Variants in SHQ1 observed in about 807,000 individuals in gnomAD.
SHQ1 encodes SHQ1, H/ACA ribonucleoprotein assembly factor.
In SHQ1, 49 loss-of-function variants were observed where a neutral mutation model predicts 53.8. The observed-to-expected ratio is 0.91, with a 90% CI of 0.72 to 1.16. The LOEUF (loss-of-function observed/expected upper bound fraction) is 1.16, where lower values mean the gene tolerates loss of function less well. SHQ1 is among the 50% of genes most tolerant of loss of function. SHQ1 has a pLI of 0.00. For synonymous variants in SHQ1, 243 were observed against 251.0 expected, an observed-to-expected ratio of 0.97 and a Z score of 0.30; for missense variants, 738 against 683.1, an observed-to-expected ratio of 1.08 and a Z score of -0.90.
At chr3:72,790,705 A>C (rs1472577575) in intron 10 of SHQ1, among the ~76,000 whole-genome samples, 1 of 152,200 alleles carries the variant, frequency 6.6e-6, no homozygotes, top group Non-Finnish European at 1.5e-5. Flanking sequence ...TATAAAAATT[A>C]GATAAACAAA....
intron 4 of SHQ1, among the ~76,000 whole-genome samples, chr3:72,836,429 CAGT>C (rs1001977640): frequency 6.6e-6 from 1 of 151,940 alleles, no homozygotes; most frequent in Non-Finnish European, 1.5e-5. Context: ...GCGGAGCTTG[CAGT>C]GAGCTGAGAT....
chr3:72,762,442 G>A (rs1705631100), intron 10 of SHQ1, among the ~76,000 whole-genome samples: 1 of 152,162 alleles, frequency 6.6e-6, no homozygotes, highest in African/African-American at 2.4e-5. Context: ...GGAAATGTGG[G>A]TCTCATAAAT....
chr3:72,796,261 C>T (rs1405846071), intron 9 of SHQ1, among the ~76,000 whole-genome samples: 1 of 151,960 alleles, frequency 6.6e-6, no homozygotes. Flanking sequence ...GAAGAATGCA[C>T]TTGGACAGAC....
At chr3:72,761,965 G>A (rs1366105292) in intron 10 of SHQ1, among the ~76,000 whole-genome samples, 6 of 152,106 alleles carry the variant, frequency 3.9e-5, no homozygotes, top group Non-Finnish European at 8.8e-5. Flanking sequence ...AATGACTCTC[G>A]CACAGAAGGG....
At chr3:72,735,805 C>T in the SHQ1 span, among the ~76,000 whole-genome samples, 2 of 146,564 alleles carry the variant, frequency 1.4e-5, no homozygotes, top group African/African-American at 2.6e-5. Context: ...AGGCATTTTA[C>T]TGGCTTGCAT....
intron 9 of SHQ1, among the ~76,000 whole-genome samples, chr3:72,799,861 C>A (rs1331074247): frequency 6.6e-6 from 1 of 152,134 alleles, no homozygotes; most frequent in African/African-American, 2.4e-5. Flanking sequence ...CTCAATTCAA[C>A]TCATAATTTA....
intron 10 of SHQ1, among the ~76,000 whole-genome samples, chr3:72,779,141 T>C (rs1257282596): frequency 3.3e-5 from 5 of 152,198 alleles, no homozygotes; most frequent in African/African-American, 1.2e-4. Flanking sequence ...AAAGGCACTA[T>C]ACTGTCTGGG....
Position 72,750,062 on chromosome 3 carries a change from GAAT to G in SHQ1, c.*219_*221del. The G allele has an allele frequency of 3.7e-6, 2 of 538,882 alleles. No individual in the cohort carries two copies. Among genetic ancestry groups the G allele is most frequent in the East Asian group, 3.1e-5 (1 of 32,262 alleles). 33.4% of individuals were successfully genotyped at this position (538,882 alleles called of 1,614,324 possible). A position where few individuals can be genotyped will look rare whatever the true frequency, so the allele number is the denominator to read the frequency against. On this transcript the variant is annotated 3_prime_UTR_variant, in exon 11 of 11. Transcript: ENST00000325599. ...TAGTTGTCATACTGTATTATTTAGA[GAAT>G]AATAACAAGAAAAAAGTCTGTACAT...
rs1706490382 is a variant in SHQ1, at chr3:72,793,041, A to C, written c.1061-5T>G. On this transcript the variant is annotated splice_region_variant and splice_polypyrimidine_tract_variant and intron_variant, in intron 9 of 10. Transcript: ENST00000325599. The stretch of plus-strand genomic sequence containing the variant: ...ACTTTAAAACTGCACTTTTACCTAA[A>C]GAAAATTGAAAAAACATAAAATTAT... 1 of 1,597,170 alleles carries C rather than the reference A, an allele frequency of 6.3e-7. No homozygotes were observed. Among genetic ancestry groups the C allele is most frequent in the East Asian group, 2.2e-5 (1 of 44,776 alleles).
chr3:72,739,238 G>T, the SHQ1 span, among the ~76,000 whole-genome samples: 1 of 152,144 alleles, frequency 6.6e-6, no homozygotes, highest in Non-Finnish European at 1.5e-5. Flanking sequence ...CTCAAGTGTC[G>T]GTGCTCAACG....
intron 10 of SHQ1, among the ~76,000 whole-genome samples, chr3:72,760,823 C>G (rs1284391030): frequency 2.0e-5 from 3 of 152,146 alleles, no homozygotes; most frequent in African/African-American, 7.2e-5. Flanking sequence ...CAAATCATTC[C>G]TTAAGGAAAT....
chr3:72,845,439 T>C (rs1000434582), intron 1 of SHQ1, among the ~76,000 whole-genome samples: 6 of 151,818 alleles, frequency 4.0e-5, no homozygotes, highest in Non-Finnish European at 4.4e-5. Context: ...GCCGAGATCA[T>C]TTGCCACTGC....
At chr3:72,787,765 G>T (rs1177557615) in intron 10 of SHQ1, among the ~76,000 whole-genome samples, 1 of 151,278 alleles carries the variant, frequency 6.6e-6, no homozygotes, top group African/African-American at 2.4e-5. Flanking sequence ...CTGATGCCGA[G>T]CGGAGGCTGG....
intron 9 of SHQ1, among the ~76,000 whole-genome samples, chr3:72,810,980 G>C (rs1707101470): frequency 6.6e-6 from 1 of 152,164 alleles, no homozygotes; most frequent in South Asian, 2.1e-4. Context: ...TCTTGTCAGA[G>C]TGATAATGAA....
At chr3:72,786,622 G>A (rs1469547475) in intron 10 of SHQ1, among the ~76,000 whole-genome samples, 2 of 152,098 alleles carry the variant, frequency 1.3e-5, no homozygotes, top group African/African-American at 4.8e-5. Flanking sequence ...CTACAGCCCT[G>A]TGTCCTCTTA....
At chr3:72,727,239 G>A in the SHQ1 span, among the ~76,000 whole-genome samples, 6 of 152,084 alleles carry the variant, frequency 3.9e-5, no homozygotes, top group African/African-American at 7.2e-5. Flanking sequence ...GAGGCTCCCC[G>A]TAGTTTCCAC....
chr3:72,760,441 T>C (rs1705583965), intron 10 of SHQ1, among the ~76,000 whole-genome samples: 1 of 152,234 alleles, frequency 6.6e-6, no homozygotes, highest in African/African-American at 2.4e-5. Flanking sequence ...TAAGTGGCTA[T>C]GCTAGAGAGA....
At position 72,749,647 on chromosome 3, in the gene SHQ1, G is replaced by A. The variant is rs1194301969; in HGVS notation, c.*637C>T. 2.8e-5 allele frequency: 6 copies of A among 216,232 alleles called. No individual in the cohort carries two copies. The highest frequency in any genetic ancestry group is 1.9e-4 in the South Asian group (1 of 5,370). 13.4% of individuals were successfully genotyped at this position (216,232 alleles called of 1,614,324 possible). A position where few individuals can be genotyped will look rare whatever the true frequency, so the allele number is the denominator to read the frequency against. ...CCAACACATTGTACACTTTTGATAC[G>A]TGCAGTTTATTGGGTGTCAAGTACA... On this transcript the variant is annotated 3_prime_UTR_variant, in exon 11 of 11. Coordinates refer to ENST00000325599, the MANE Select transcript of SHQ1 (RefSeq NM_018130.3).
chr3:72,846,198 A>T (rs955670197), intron 1 of SHQ1: 1 of 1,535,278 alleles, frequency 6.5e-7, no homozygotes, highest in African/African-American at 1.4e-5. Context: ...ACTGCAGAGA[A>T]AATTATATTT....
Sources: allele counts gnomAD v4.1 joint callset (sites outside exome capture counted in the v4.1 genomes callset), GRCh38; gene constraint gnomAD v4.1.1; transcripts MANE v1.5; gene names NCBI Gene and HGNC (gene_info 2026-07-23, HGNC 2026-07-21).